Variants in PRDM16 observed in about 807,000 individuals in gnomAD.
PRDM16 encodes histone-lysine N-methyltransferase PRDM16.
A neutral mutation model predicts 110.6 loss-of-function variants in PRDM16; 23 were observed. The observed-to-expected ratio is 0.21, with a 90% confidence interval of 0.15 to 0.29. The LOEUF (loss-of-function observed/expected upper bound fraction) is 0.29. Among genes scored for constraint, PRDM16 ranks in the 10% least tolerant of loss-of-function variants. The pLI is 1.00. For missense variants in PRDM16, 1,615 were observed against 1,794.3 expected (o/e 0.90, Z 1.81); for synonymous variants, 799 against 781.8 (o/e 1.02, Z -0.37).
rs184169616 is a variant in PRDM16 at position 3,296,725 on chromosome 1, G to T, written c.438+52588G>T. The stretch of plus-strand genomic sequence containing the variant: ...GGGCTGAGTAGGAAAGGATATGGCC[G>T]GGAAGGAGGGCTGATTTGTTTTCAG... On this transcript the variant is annotated intron_variant, in intron 3 of 16. Coordinates refer to ENST00000270722, the MANE Select transcript of PRDM16 (RefSeq NM_022114.4). Among the ~76,000 whole-genome samples, 11 of 152,346 alleles carry T rather than the reference G, an allele frequency of 7.2e-5. No homozygotes were observed. In the East Asian group the frequency reaches 1.2e-3, roughly 16 times the overall value.
intron 3 of PRDM16, among the ~76,000 whole-genome samples, chr1:3,323,646 A>G (rs1344536408): frequency 2.0e-5 from 3 of 152,244 alleles, no homozygotes. Flanking sequence ...TGCAGTCATA[A>G]AAAGCACCGA....
intron 3 of PRDM16, among the ~76,000 whole-genome samples, chr1:3,285,555 T>C (rs1640826113): frequency 6.6e-6 from 1 of 152,050 alleles, no homozygotes; most frequent in Non-Finnish European, 1.5e-5. Context: ...GCTCGGGAGC[T>C]TGGAGCTGTG....
chr1:3,114,104 G>A (rs1569584153), intron 1 of PRDM16, among the ~76,000 whole-genome samples: 3 of 152,120 alleles, frequency 2.0e-5, no homozygotes, highest in South Asian at 2.1e-4. Flanking sequence ...TTGTGATGGC[G>A]CCGTGCTGCA....
intron 3 of PRDM16, among the ~76,000 whole-genome samples, chr1:3,254,797 A>T (rs1482784543): frequency 6.6e-6 from 1 of 152,046 alleles, no homozygotes. Context: ...ACAGAATTGG[A>T]AAAAACTACT....
chr1:3,283,925 A>G (rs573020512), intron 3 of PRDM16, among the ~76,000 whole-genome samples: 1 of 152,236 alleles, frequency 6.6e-6, no homozygotes, highest in Non-Finnish European at 1.5e-5. Context: ...TGTGGCTCAG[A>G]TTCGGGGGAC....
chr1:3,199,302 G>A (rs1174038423), intron 2 of PRDM16, among the ~76,000 whole-genome samples: 1 of 152,204 alleles, frequency 6.6e-6, no homozygotes, highest in Non-Finnish European at 1.5e-5. Context: ...CAGGGCCTGG[G>A]GCAGGGGCAC....
At chr1:3,223,292 G>C (rs537374923) in intron 2 of PRDM16, among the ~76,000 whole-genome samples, 1 of 152,068 alleles carries the variant, frequency 6.6e-6, no homozygotes, top group East Asian at 1.9e-4. Flanking sequence ...TGTTGATTAC[G>C]GAGTTGCTAT....
At chr1:3,292,267 A>G (rs527682761) in intron 3 of PRDM16, among the ~76,000 whole-genome samples, 40 of 152,286 alleles carry the variant, frequency 2.6e-4, no homozygotes, top group African/African-American at 9.1e-4. Context: ...TTGTCTTATT[A>G]TGCTGCAAAG....
chr1:3,101,376 G>A (rs577665278), intron 1 of PRDM16, among the ~76,000 whole-genome samples: 4 of 152,220 alleles, frequency 2.6e-5, no homozygotes, highest in African/African-American at 7.2e-5. Flanking sequence ...ATAAATCTTC[G>A]CGCTGTCACT....
intron 2 of PRDM16, among the ~76,000 whole-genome samples, chr1:3,217,142 CCTT>C (rs1354184432): frequency 6.6e-6 from 1 of 152,274 alleles, no homozygotes; most frequent in Non-Finnish European, 1.5e-5. Flanking sequence ...CCCCGGGTGG[CCTT>C]CTCCTCACAC....
intron 1 of PRDM16, among the ~76,000 whole-genome samples, chr1:3,114,580 ACAC>A (rs917563778): frequency 1.3e-5 from 2 of 152,108 alleles, no homozygotes; most frequent in African/African-American, 4.8e-5. Context: ...ACACTTGCAC[ACAC>A]AAGAACACAC....
chr1:3,192,132 G>A (rs928615576), intron 2 of PRDM16, among the ~76,000 whole-genome samples: 2 of 152,190 alleles, frequency 1.3e-5, no homozygotes, highest in Non-Finnish European at 2.9e-5. Flanking sequence ...ATGATTTGCT[G>A]CAGGAGATTG....
intron 1 of PRDM16, among the ~76,000 whole-genome samples, chr1:3,108,374 C>T (rs1422446922): frequency 1.3e-5 from 2 of 152,204 alleles, no homozygotes; most frequent in East Asian, 3.9e-4. Flanking sequence ...TGGGTAAGCT[C>T]CATCCCAGCC....
chr1:3,412,076 A>G lies in PRDM16; in HGVS notation c.1879A>G (p.Ser627Gly). The G allele has an allele frequency of 3.8e-6, 6 of 1,599,506 alleles. No individual in the cohort carries two copies. The highest frequency in any genetic ancestry group is 1.1e-5 in the South Asian group (1 of 89,694). ...CACGGGGACGGGCTCGGACCTGGACAGCGACGTGGACAGCGACCCTGACAA... is the reference window on the plus strand; with the variant it reads ...CACGGGGACGGGCTCGGACCTGGACGGCGACGTGGACAGCGACCCTGACAA... Reference protein sequence around the residue: ...TTTGTGSDLDSDVDSDPDKDK... With the variant: ...TTTGTGSDLDGDVDSDPDKDK... The change falls in exon 9 of 17, where the codon AGC (serine) becomes GGC (glycine). Residue 627 changes from serine (S) to glycine (G), a missense_variant. Around this residue, in one of 5 missense-constraint regions of PRDM16, gnomAD observed 772 missense variants for 748.3 expected, o/e 1.03. Transcript: ENST00000270722.
intron 3 of PRDM16, among the ~76,000 whole-genome samples, chr1:3,277,784 T>C (rs76551464): frequency 0.029 from 3,978 of 139,206 alleles, 165 homozygotes; most frequent in African/African-American, 0.11. Flanking sequence ...CACGCACACA[T>C]ATGCACACAC....
chr1:3,362,468 A>G (rs1171110689), intron 3 of PRDM16, among the ~76,000 whole-genome samples: 3 of 152,090 alleles, frequency 2.0e-5, no homozygotes, highest in Non-Finnish European at 2.9e-5. Flanking sequence ...TGGGGCAGGC[A>G]GAGATGGGTC....
At chr1:3,170,579 G>A (rs1260243740) in intron 1 of PRDM16, among the ~76,000 whole-genome samples, 1 of 152,178 alleles carries the variant, frequency 6.6e-6, no homozygotes. Context: ...GGCTGCGAGG[G>A]GCGGGGAGTC....
At chr1:3,168,512 T>C (rs1226111916) in intron 1 of PRDM16, among the ~76,000 whole-genome samples, 5 of 150,082 alleles carry the variant, frequency 3.3e-5, no homozygotes, top group Non-Finnish European at 7.4e-5. Flanking sequence ...ATCAGGAAAT[T>C]TGCTGAGGCA....
Position 3,107,514 on chromosome 1 carries a change from G to A in PRDM16, c.37+38218G>A, listed in dbSNP as rs557284921. Among the ~76,000 whole-genome samples the A allele has an allele frequency of 2.2e-4, 33 of 152,316 alleles. No homozygotes were observed. In the South Asian group the frequency reaches 3.3e-3, roughly 15 times the overall value. On this transcript the variant is annotated intron_variant, in intron 1 of 16. Transcript: ENST00000270722. ...TTTAAGTATATATCATTTAATGCCC[G>A]ATGGGGAGCCTGCGGATCTCCTTAC... is the stretch of plus-strand genomic sequence containing the variant.
Sources: allele counts gnomAD v4.1 joint callset (sites outside exome capture counted in the v4.1 genomes callset), GRCh38; gene constraint gnomAD v4.1.1; regional missense constraint gnomAD v4.1.1; transcripts MANE v1.5; gene names NCBI Gene and HGNC (gene_info 2026-07-23, HGNC 2026-07-21).